DIP2B: variants seen among roughly 807,000 people sequenced by gnomAD.
DIP2B encodes disco-interacting protein 2 homolog B.
In DIP2B, 76 loss-of-function variants were observed where a neutral mutation model predicts 198.0. That is an observed-to-expected ratio of 0.38 (90% CI 0.32 to 0.46). DIP2B has a LOEUF of 0.46. Ranked by LOEUF, DIP2B falls within the 20% of genes least tolerant of loss-of-function variation. The pLI is 0.99. For missense variants in DIP2B, 1,559 were observed against 1,978.4 expected, an observed-to-expected ratio of 0.79 and a Z score of 4.02; for synonymous variants, 701 against 739.1, an observed-to-expected ratio of 0.95 and a Z score of 0.84.
At position 50,731,613 on chromosome 12, in the gene DIP2B, C is replaced by T; in HGVS notation, c.3810+76C>T. 4 of 1,462,592 alleles carry T rather than the reference C, an allele frequency of 2.7e-6. No homozygotes were observed. In the South Asian group the frequency reaches 4.4e-5, roughly 16 times the overall value. The allele number at this position is 1,462,592 out of a possible 1,614,324, so 90.6% of individuals were successfully genotyped here. A position where few individuals can be genotyped will look rare whatever the true frequency, so the allele number is the denominator to read the frequency against. ...GCGCCAGGACGTAACAGGGCCAGAG[C>T]AGGGGCTAACAGACATGTTTGCTTG... On this transcript the variant is annotated intron_variant, in intron 31 of 37. Coordinates refer to ENST00000301180, the MANE Select transcript of DIP2B (RefSeq NM_173602.3).
chr12:50,694,938 A>G (rs1375965339), intron 14 of DIP2B, among the ~76,000 whole-genome samples: 1 of 152,130 alleles, frequency 6.6e-6, no homozygotes, highest in Non-Finnish European at 1.5e-5. Flanking sequence ...CAAGTTACAG[A>G]TATATGTATA....
Position 50,728,556 on chromosome 12 carries a change from C to G in DIP2B, c.3519C>G (p.His1173Gln). The G allele has an allele frequency of 6.2e-7, 1 of 1,613,876 alleles. No homozygotes were observed. The highest frequency in any genetic ancestry group is 8.5e-7 in the Non-Finnish European group (1 of 1,179,856). ...TTTTCCATACTTTCCAGATGTCCCA[C>G]TCTGCAGTGAACGCTCTGTGTCGAG... ...TGMLTGVKMSHSAVNALCRAI... is the reference protein window; with the variant it reads ...TGMLTGVKMSQSAVNALCRAI... Residue 1173 changes from histidine (H) to glutamine (Q), a missense_variant, in exon 30 of 38, where the codon CAC becomes CAG. His to Gln is a conservative substitution (Grantham distance 24). Transcript: ENST00000301180.
chr12:50,742,773 G>A (rs57226611), intron 37 of DIP2B, among the ~76,000 whole-genome samples: 2 of 152,030 alleles, frequency 1.3e-5, no homozygotes, highest in African/African-American at 2.4e-5. Context: ...GCAGGCACCC[G>A]TAATCCTAGC....
chr12:50,724,543 A>G (rs1939896420), intron 27 of DIP2B, among the ~76,000 whole-genome samples: 1 of 152,244 alleles, frequency 6.6e-6, no homozygotes, highest in Non-Finnish European at 1.5e-5. Context: ...TCACTGTTAT[A>G]AATGATACAG....
chr12:50,677,039 T>C (rs1306464982), intron 7 of DIP2B, among the ~76,000 whole-genome samples: 2 of 152,352 alleles, frequency 1.3e-5, no homozygotes, highest in East Asian at 1.9e-4. Flanking sequence ...GTCATTGAGC[T>C]ATAAAACATT....
intron 28 of DIP2B, among the ~76,000 whole-genome samples, chr12:50,727,206 G>A (rs1939953242): frequency 6.6e-6 from 1 of 152,202 alleles, no homozygotes; most frequent in Admixed American, 6.5e-5. Flanking sequence ...ATACTAAAGT[G>A]TAAATAATGA....
intron 3 of DIP2B, among the ~76,000 whole-genome samples, chr12:50,659,990 G>A (rs967901196): frequency 1.1e-4 from 16 of 151,304 alleles, no homozygotes; most frequent in African/African-American, 2.7e-4. Context: ...TTCCTCCTCC[G>A]TAAAATTATC....
rs1177060118 is a variant in DIP2B at position 50,660,176 on chromosome 12, A to G, written c.302-18A>G. 4 of 1,600,008 alleles carry G rather than the reference A, an allele frequency of 2.5e-6. No homozygotes were observed. Among genetic ancestry groups the G allele is most frequent in the South Asian group, 1.1e-5 (1 of 88,238 alleles). On this transcript the variant is annotated intron_variant, in intron 3 of 37. Coordinates refer to ENST00000301180, the MANE Select transcript of DIP2B (RefSeq NM_173602.3). ...TCAAGAGCCGGAAGCTAATAAATGC[A>G]AATGTTTGCTTTTTCAGATATCCAC... is the stretch of plus-strand genomic sequence containing the variant.
Position 50,724,758 on chromosome 12 carries a change from G to C in DIP2B, c.3289-17G>C, listed in dbSNP as rs372932359. On this transcript the variant is annotated splice_polypyrimidine_tract_variant and intron_variant, in intron 27 of 37. Coordinates refer to ENST00000301180, the MANE Select transcript of DIP2B (RefSeq NM_173602.3). ...GCTGAGCCTCCTGATGCTTATTGCTGTCCATTTGTTTTCTAGGTCAGCAAA... is the reference window on the plus strand; with the variant it reads ...GCTGAGCCTCCTGATGCTTATTGCTCTCCATTTGTTTTCTAGGTCAGCAAA... 1.8e-4 allele frequency: 284 copies of C among 1,612,444 alleles called. No individual in the cohort carries two copies. The highest frequency in any genetic ancestry group is 2.2e-4 in the Non-Finnish European group (262 of 1,178,676).
chr12:50,572,338 T>A (rs894655112), intron 1 of DIP2B, among the ~76,000 whole-genome samples: 1 of 152,226 alleles, frequency 6.6e-6, no homozygotes, highest in African/African-American at 2.4e-5. Flanking sequence ...GCATTTCTCA[T>A]TTATATATTG....
At chr12:50,616,855 C>T (rs1290437168) in intron 1 of DIP2B, among the ~76,000 whole-genome samples, 1 of 152,214 alleles carries the variant, frequency 6.6e-6, no homozygotes, top group Non-Finnish European at 1.5e-5. Flanking sequence ...TAGCCAGCTT[C>T]TCCTGGATAG....
At chr12:50,645,528 G>T (rs2139492857) in intron 3 of DIP2B, among the ~76,000 whole-genome samples, 1 of 151,618 alleles carries the variant, frequency 6.6e-6, no homozygotes, top group Non-Finnish European at 1.5e-5. Context: ...CACAATCATG[G>T]CTCAGTGCAG....
In DIP2B at chr12:50,671,392, C is replaced by T. The variant is rs1236910830; in HGVS notation, c.634C>T (p.Arg212Ter). The change falls in exon 5 of 38, where the codon CGA (arginine) becomes TGA (stop). Residue 212 changes from arginine (R) to a stop codon, truncating the protein, a stop_gained. Transcript: ENST00000301180. LOFTEE classifies it high-confidence loss of function. Reference sequence around the variant, plus strand: ...TCTAGCTGATGTATTTGCCAATACTCGAATAGGTAGGAGCTGGATCTACCC... The same window carrying T: ...TCTAGCTGATGTATTTGCCAATACTTGAATAGGTAGGAGCTGGATCTACCC... ...GSLADVFANT[R>*]IENFSAPPDV... 3 of 1,613,914 alleles carry T rather than the reference C, an allele frequency of 1.9e-6. No individual in the cohort carries two copies. Among genetic ancestry groups the T allele is most frequent in the Non-Finnish European group, 2.5e-6 (3 of 1,179,996 alleles).
At chr12:50,579,449 C>CA (rs1431299167) in intron 1 of DIP2B, among the ~76,000 whole-genome samples, 1 of 149,968 alleles carries the variant, frequency 6.7e-6, no homozygotes, top group Non-Finnish European at 1.5e-5. Context: ...CCCGTCTCTA[C>CA]AAAAAATACA....
chr12:50,698,262 C>T, intron 17 of DIP2B, 66 bp from the exon 18 acceptor site: 1 of 1,537,876 alleles, frequency 6.5e-7, no homozygotes, highest in Non-Finnish European at 8.8e-7. Flanking sequence ...ATTTGTCTTC[C>T]TATGTATTTG....
intron 12 of DIP2B, among the ~76,000 whole-genome samples, chr12:50,689,335 C>T (rs1337432571): frequency 1.3e-5 from 2 of 152,000 alleles, no homozygotes; most frequent in Non-Finnish European, 2.9e-5. Context: ...GAGCCATGAT[C>T]GTGCCACTGC....
In DIP2B at chr12:50,660,359, C is replaced by T. The variant is rs200447869; in HGVS notation, c.427+40C>T. On this transcript the variant is annotated intron_variant, in intron 4 of 37. Coordinates refer to ENST00000301180, the MANE Select transcript of DIP2B (RefSeq NM_173602.3). ...GCTTTTTCTCTCTGACAGTTAATAC[C>T]TTGATGTTCCTGAAATAAGTTCTGC... 4 of 1,537,846 alleles carry T rather than the reference C, an allele frequency of 2.6e-6. No homozygotes were observed. The African/African-American group carries it at 4.2e-5, about 16-fold the overall frequency.
chr12:50,594,598 T>G (rs1958862612), intron 1 of DIP2B, among the ~76,000 whole-genome samples: 1 of 152,192 alleles, frequency 6.6e-6, no homozygotes, highest in African/African-American at 2.4e-5. Flanking sequence ...TCATATGATA[T>G]AGTTTAGGAC....
chr12:50,630,350 C>G (rs1437181476), intron 2 of DIP2B, among the ~76,000 whole-genome samples: 1 of 152,010 alleles, frequency 6.6e-6, no homozygotes, highest in Non-Finnish European at 1.5e-5. Flanking sequence ...GTCTCCCCTT[C>G]CCTCTTGTCT....
Sources: gnomAD v4.1 joint callset for allele counts (sites outside exome capture counted in the v4.1 genomes callset) on GRCh38, gnomAD v4.1.1 for gene constraint, MANE v1.5 for transcripts, NCBI Gene and HGNC (gene_info 2026-07-23, HGNC 2026-07-21) for gene names.